The following ABCB11 variants were observed in gnomAD, a reference collection of about 807,000 sequenced individuals.
ABCB11 encodes the protein bile salt export pump.
ABCB11 carries 95 observed loss-of-function variants against 148.0 expected under a neutral mutation model. The ratio of observed to expected loss-of-function variants is 0.64; its 90% CI spans 0.54 to 0.76. The LOEUF (loss-of-function observed/expected upper bound fraction) is 0.76. Ranked by LOEUF, ABCB11 falls within the 30% of genes least tolerant of loss-of-function variation. ABCB11 has a pLI of 0.00. For missense variants in ABCB11, 1,523 were observed against 1,617.8 expected (o/e 0.94, Z 1.01); for synonymous variants, 591 against 555.4 (o/e 1.06, Z -0.90).
At chr2:169,017,235 T>C (rs1339397085) in intron 2 of ABCB11, among the ~76,000 whole-genome samples, 3 of 151,260 alleles carry the variant, frequency 2.0e-5, no homozygotes, top group Non-Finnish European at 4.4e-5. Context: ...CAATAAGATG[T>C]TAATAACAAG....
At chr2:168,928,655 G>A (rs1691426576) in intron 25 of ABCB11, among the ~76,000 whole-genome samples, 2 of 152,162 alleles carry the variant, frequency 1.3e-5, no homozygotes, top group Admixed American at 6.5e-5. Context: ...TAATGTACAT[G>A]TTAATGTTGG....
chr2:168,989,110 T>C (rs1051130258), intron 9 of ABCB11, among the ~76,000 whole-genome samples: 1 of 152,074 alleles, frequency 6.6e-6, no homozygotes, highest in Admixed American at 6.6e-5. Flanking sequence ...TGCTTCCTTT[T>C]TGAAGCTTTT....
chr2:168,932,617 C>T (rs1319421035), intron 23 of ABCB11, 84 bp from the exon 24 acceptor site: 1 of 1,504,202 alleles, frequency 6.6e-7, no homozygotes, highest in Middle Eastern at 2.0e-4. Context: ...GGGATCTAGC[C>T]CTGGTTCTGC....
chr2:168,970,257 G>T, intron 14 of ABCB11, 42 bp from the exon 15 acceptor site: 1 of 1,586,504 alleles, frequency 6.3e-7, no homozygotes, highest in Non-Finnish European at 8.6e-7. Flanking sequence ...AAAAGAATTT[G>T]ATGGCTTCTG....
intron 10 of ABCB11, 88 bp downstream of exon 10, chr2:168,986,022 C>A: frequency 8.8e-7 from 1 of 1,131,092 alleles, no homozygotes; most frequent in South Asian, 2.9e-5. Context: ...CCTGAAGGCA[C>A]CAAAGTAATA....
intron 3 of ABCB11, among the ~76,000 whole-genome samples, chr2:169,015,487 T>C (rs1695325773): frequency 6.6e-6 from 1 of 152,246 alleles, no homozygotes; most frequent in East Asian, 1.9e-4. Context: ...CCTGGCCTCT[T>C]GCTGACCTTT....
At chr2:168,975,144 T>A (rs1399425082) in intron 12 of ABCB11, among the ~76,000 whole-genome samples, 1 of 51,850 alleles carries the variant, frequency 1.9e-5, no homozygotes, top group African/African-American at 6.3e-5. Flanking sequence ...TAAATATTTA[T>A]AGATAAATAT....
intron 23 of ABCB11, among the ~76,000 whole-genome samples, chr2:168,933,910 C>T (rs1315839346): frequency 2.6e-5 from 4 of 152,012 alleles, no homozygotes; most frequent in Non-Finnish European, 4.4e-5. Context: ...CATCACCATA[C>T]CTGGCTAATT....
At position 168,996,733 on chromosome 2, in the gene ABCB11, G is replaced by A; in HGVS notation, c.390-11C>T. On this transcript the variant is annotated splice_polypyrimidine_tract_variant and intron_variant, in intron 5 of 27. Transcript: ENST00000650372. ...TCGATGTTCAGCAACCTTCAAAAGA[G>A]GGAAAAGAATGTTCAGACTTGCAAG... The A allele has an allele frequency of 6.6e-7, 1 of 1,525,588 alleles. No individual in the cohort carries two copies. The highest frequency in any genetic ancestry group is 8.9e-7 in the Non-Finnish European group (1 of 1,129,842). The allele number at this position is 1,525,588 out of a possible 1,614,324, so 94.5% of individuals were successfully genotyped here. A position where few individuals can be genotyped will look rare whatever the true frequency, so the allele number is the denominator to read the frequency against.
intron 21 of ABCB11, among the ~76,000 whole-genome samples, chr2:168,943,490 T>G (rs1559190245): frequency 6.6e-6 from 1 of 151,982 alleles, no homozygotes; most frequent in Non-Finnish European, 1.5e-5. Flanking sequence ...GAATGAAGTA[T>G]TGTGCACTCA....
intron 21 of ABCB11, among the ~76,000 whole-genome samples, chr2:168,942,005 C>A (rs933767934): frequency 2.0e-5 from 3 of 151,794 alleles, no homozygotes; most frequent in Non-Finnish European, 4.4e-5. Context: ...TGTAATATTT[C>A]AGAACTATAT....
In ABCB11 at chr2:168,998,756, G is replaced by A. The variant is rs574084667; in HGVS notation, c.390-2034C>T. On this transcript the variant is annotated intron_variant, in intron 5 of 27. Transcript: ENST00000650372. ...TGGGATTTTCTGGAACAAAGGTCAA[G>A]ATAATTCTATCACTGCTGGATGGTG... Among the ~76,000 whole-genome samples, 168 of 152,224 alleles carry A rather than the reference G, an allele frequency of 1.1e-3. 1 individual carries two copies. In the Middle Eastern group the frequency reaches 0.014, roughly 12 times the overall value.
Position 168,958,095 on chromosome 2 carries a change from G to A in ABCB11, c.2212C>T (p.Pro738Ser), listed in dbSNP as rs376842756. 3 of 1,611,174 alleles carry A rather than the reference G, an allele frequency of 1.9e-6. No individual in the cohort carries two copies. The highest frequency in any genetic ancestry group is 2.5e-6 in the Non-Finnish European group (3 of 1,178,144). The change falls in exon 19 of 28, where the codon CCT becomes TCT. Residue 738 changes from proline (P) to serine (S), a missense_variant. Pro to Ser is a moderately conservative substitution (Grantham distance 74, BLOSUM62 -1). Transcript: ENST00000650372. The stretch of plus-strand genomic sequence containing the variant: ...TTCAGAATCCTCCTAACTGGGGCAG[G>A]TTCAACTTCTTCCTGCACAGGAATG... Reference protein sequence around the residue: ...KDIPVQEEVEPAPVRRILKFS... With the variant: ...KDIPVQEEVESAPVRRILKFS...
At chr2:168,976,828 CA>C in intron 11 of ABCB11, 141 bp from the exon 12 acceptor site, 1 of 480,070 alleles carries the variant, frequency 2.1e-6, no homozygotes, top group South Asian at 3.0e-5. Flanking sequence ...TGAGTAAATT[CA>C]AATGAAGATG....
intron 19 of ABCB11, among the ~76,000 whole-genome samples, chr2:168,953,800 A>G (rs527593009): frequency 6.6e-6 from 1 of 151,742 alleles, no homozygotes; most frequent in East Asian, 2.0e-4. Context: ...CCCTTTGCTC[A>G]CTGAGATAAA....
chr2:168,936,126 T>C (rs1691810976), intron 22 of ABCB11, 104 bp downstream of exon 22: 6 of 1,149,358 alleles, frequency 5.2e-6, no homozygotes, highest in Non-Finnish European at 6.1e-6. Context: ...GCCTGTCTTG[T>C]GGGCTGACAG....
chr2:169,018,149 G>T lies in ABCB11; in HGVS notation c.-24C>A, dbSNP rs753856998. 2 of 1,610,046 alleles carry T rather than the reference G, an allele frequency of 1.2e-6. No individual in the cohort carries two copies. Among genetic ancestry groups the T allele is most frequent in the East Asian group, 4.5e-5 (2 of 44,808 alleles). On this transcript the variant is annotated 5_prime_UTR_variant, in exon 2 of 28. Transcript: ENST00000650372. Reference sequence around the variant, plus strand: ...ATGGTAATTGCAACCCACAGCCAACGACCCTATAAAATAAAATAAAAGAAT... The same window carrying T: ...ATGGTAATTGCAACCCACAGCCAACTACCCTATAAAATAAAATAAAAGAAT...
At chr2:168,976,206 G>A (rs186263391) in intron 12 of ABCB11, among the ~76,000 whole-genome samples, 45 of 152,202 alleles carry the variant, frequency 3.0e-4, no homozygotes, top group African/African-American at 1.0e-3. Context: ...TCCACTTTCT[G>A]CAGTCTCTGC....
chr2:168,955,133 A>T (rs1003469225), intron 19 of ABCB11, among the ~76,000 whole-genome samples: 1 of 151,398 alleles, frequency 6.6e-6, no homozygotes, highest in African/African-American at 2.4e-5. Flanking sequence ...CTCCTTGGTA[A>T]ATTTCTCATT....
Sources: gnomAD v4.1 joint callset for allele counts (sites outside exome capture counted in the v4.1 genomes callset) on GRCh38, gnomAD v4.1.1 for gene constraint, MANE v1.5 for transcripts, NCBI Gene and HGNC (gene_info 2026-07-23, HGNC 2026-07-21) for gene names.